ABHD18: variants seen among roughly 807,000 people sequenced by gnomAD.
ABHD18 encodes abhydrolase domain containing 18.
ABHD18 carries 55 observed loss-of-function variants against 65.9 expected under a neutral mutation model. That is an observed-to-expected ratio of 0.84 (90% CI 0.67 to 1.05). ABHD18 has a LOEUF of 1.05. ABHD18 is among the 50% of genes least tolerant of loss of function. The probability of loss-of-function intolerance (pLI) is 0.00; values close to 1 mark genes in which losing one functional copy is unlikely to be tolerated. For synonymous variants in ABHD18, 181 were observed against 180.2 expected (o/e 1.00, Z -0.04); for missense variants, 533 against 558.5 (o/e 0.95, Z 0.46).
At chr4:128,025,550 G>A (rs1436717612) in intron 10 of ABHD18, among the ~76,000 whole-genome samples, 3 of 152,194 alleles carry the variant, frequency 2.0e-5, no homozygotes, top group African/African-American at 7.2e-5. Context: ...CCTGTTGATA[G>A]ATGTTTATGT....
In ABHD18 at chr4:128,035,801, A is replaced by G. The variant is rs899946683; in HGVS notation, c.1383A>G (p.Lys461=). 6.3e-5 allele frequency: 97 copies of G among 1,536,666 alleles called. No homozygotes were observed. The African/African-American group carries it at 1.2e-3, about 20-fold the overall frequency. ...ATGCATTTGACCGCTTCCTCCATAA[A>G]TACGCTAACTAGTTGGATTATTATA... The part of the protein sequence containing the change: ...IYDAFDRFLH[K]YAN The change falls in exon 13 of 13, where the codon AAA becomes AAG. Residue 461 remains lysine (K), a synonymous_variant. Coordinates refer to ENST00000645843, the MANE Select transcript of ABHD18 (RefSeq NM_001358451.3).
intron 10 of ABHD18, among the ~76,000 whole-genome samples, chr4:128,023,429 A>T (rs1198642571): frequency 6.7e-6 from 1 of 149,006 alleles, no homozygotes; most frequent in Non-Finnish European, 1.5e-5. Context: ...AAAAAAAAAA[A>T]AAAAAGCTGG....
At chr4:128,022,103 T>C (rs1402333510) in intron 10 of ABHD18, among the ~76,000 whole-genome samples, 1 of 152,098 alleles carries the variant, frequency 6.6e-6, no homozygotes, top group Non-Finnish European at 1.5e-5. Context: ...AGGGGAAGGA[T>C]AGCATTAGGA....
chr4:127,973,176 C>G (rs930232949), intron 1 of ABHD18, among the ~76,000 whole-genome samples: 1 of 151,886 alleles, frequency 6.6e-6, no homozygotes, highest in African/African-American at 2.4e-5. Context: ...CCACCACTCC[C>G]GGGAAAGTTT....
chr4:128,004,273 G>GA (rs945167037), intron 4 of ABHD18, among the ~76,000 whole-genome samples: 2 of 151,828 alleles, frequency 1.3e-5, no homozygotes, highest in Admixed American at 6.6e-5. Context: ...CCAACGTGGT[G>GA]AAACCCTGTC....
chr4:128,038,663 G>A lies in ABHD18; in HGVS notation c.*2850G>A, dbSNP rs1433371969. The A allele has an allele frequency of 6.6e-6, 1 of 151,868 alleles. No individual in the cohort carries two copies. Among genetic ancestry groups the A allele is most frequent in the Non-Finnish European group, 1.5e-5 (1 of 68,050 alleles). 9.4% of individuals were successfully genotyped at this position (151,868 alleles called of 1,614,324 possible). On this transcript the variant is annotated 3_prime_UTR_variant, in exon 13 of 13. Transcript: ENST00000645843. ...CCCAGCACTTTGGGAGGCCGAGGTGGGGGGACCACCTGAGGTTGGGAGTTC... is the reference window on the plus strand; with the variant it reads ...CCCAGCACTTTGGGAGGCCGAGGTGAGGGGACCACCTGAGGTTGGGAGTTC...
intron 7 of ABHD18, among the ~76,000 whole-genome samples, chr4:128,015,774 TA>T (rs1414392881): frequency 6.6e-6 from 1 of 152,108 alleles, no homozygotes; most frequent in African/African-American, 2.4e-5. Context: ...TAATCATTGG[TA>T]AAATGAATTT....
At chr4:128,029,228 G>A (rs1194344435) in intron 11 of ABHD18, among the ~76,000 whole-genome samples, 1 of 151,886 alleles carries the variant, frequency 6.6e-6, no homozygotes, top group African/African-American at 2.4e-5. Context: ...GTGTGGTGTT[G>A]CAAGCCTGTA....
chr4:127,979,445 C>T (rs1299715232), intron 1 of ABHD18, among the ~76,000 whole-genome samples: 1 of 152,096 alleles, frequency 6.6e-6, no homozygotes, highest in African/African-American at 2.4e-5. Context: ...GTCCCAGCTA[C>T]TCGGGAGGCT....
intron 6 of ABHD18, 69 bp from the exon 7 acceptor site, chr4:128,011,604 T>G: frequency 1.6e-6 from 2 of 1,216,034 alleles, no homozygotes; most frequent in South Asian, 2.8e-5. Context: ...ATTTAACTAT[T>G]TAATGTACTC....
rs1758845212 is a variant in ABHD18 at position 128,035,920 on chromosome 4, C to G, written c.*107C>G. On this transcript the variant is annotated 3_prime_UTR_variant, in exon 13 of 13. Transcript: ENST00000645843. Reference sequence around the variant, plus strand: ...CAGACAGCACTAATATATCTAATCGCTATCAATTTGGTCTGGAATTCATTG... The same window carrying G: ...CAGACAGCACTAATATATCTAATCGGTATCAATTTGGTCTGGAATTCATTG... 1.8e-6 allele frequency: 1 copy of G among 541,830 alleles called. No individual in the cohort carries two copies. Among genetic ancestry groups the G allele is most frequent in the African/African-American group, 1.9e-5 (1 of 52,856 alleles). 33.6% of individuals were successfully genotyped at this position (541,830 alleles called of 1,614,324 possible). A position where few individuals can be genotyped will look rare whatever the true frequency, so the allele number is the denominator to read the frequency against.
chr4:128,023,921 C>T (rs1756953513), intron 10 of ABHD18, among the ~76,000 whole-genome samples: 1 of 152,134 alleles, frequency 6.6e-6, no homozygotes, highest in Admixed American at 6.6e-5. Flanking sequence ...TAGTTAGTTC[C>T]TATACATATA....
intron 4 of ABHD18, among the ~76,000 whole-genome samples, 195 bp downstream of exon 4, chr4:127,990,016 A>G (rs1289998619): frequency 6.6e-6 from 1 of 152,246 alleles, no homozygotes; most frequent in African/African-American, 2.4e-5. Flanking sequence ...AGCATTGTTT[A>G]TAGTTGCAAA....
intron 1 of ABHD18, among the ~76,000 whole-genome samples, chr4:127,974,872 T>A (rs1344460995): frequency 1.6e-4 from 25 of 151,830 alleles, no homozygotes; most frequent in African/African-American, 5.5e-4. Flanking sequence ...GGTTGTCGCC[T>A]GTAATCCCAG....
rs142645235 is a variant in ABHD18 at position 127,989,330 on chromosome 4, CAGAT to C, written c.178-387_178-384del. Among the ~76,000 whole-genome samples the C allele has an allele frequency of 6.5e-3, 992 of 151,636 alleles. 2 individuals are homozygous for C. The highest frequency in any genetic ancestry group is 0.011 in the Non-Finnish European group (749 of 67,908). On this transcript the variant is annotated intron_variant, in intron 3 of 12. Coordinates refer to ENST00000645843, the MANE Select transcript of ABHD18 (RefSeq NM_001358451.3). ...TGATTAATTGGTGCAAATGTACAGT[CAGAT>C]AGAATCAATAAGATCTAGTATTTGA... is the stretch of plus-strand genomic sequence containing the variant.
intron 4 of ABHD18, among the ~76,000 whole-genome samples, chr4:127,994,845 T>G (rs1560859443): frequency 1.3e-5 from 2 of 152,118 alleles, no homozygotes; most frequent in Non-Finnish European, 2.9e-5. Flanking sequence ...TCCTCAAATA[T>G]TTAGGGATAA....
chr4:127,986,621 C>A (rs1026204211), intron 3 of ABHD18, among the ~76,000 whole-genome samples: 13 of 152,320 alleles, frequency 8.5e-5, no homozygotes, highest in African/African-American at 2.9e-4. Flanking sequence ...CTAAATTTAA[C>A]TTTTTGACGA....
chr4:127,977,311 A>G (rs1230468339), intron 1 of ABHD18, among the ~76,000 whole-genome samples: 3 of 151,054 alleles, frequency 2.0e-5, no homozygotes, highest in East Asian at 3.9e-4. Flanking sequence ...TGTCTCTACT[A>G]AAAATACAAA....
At chr4:127,988,580 C>T (rs1750388444) in intron 3 of ABHD18, among the ~76,000 whole-genome samples, 1 of 151,956 alleles carries the variant, frequency 6.6e-6, no homozygotes, top group Admixed American at 6.6e-5. Context: ...GAAACAAAAA[C>T]ATATCTGTGG....
Sources: gnomAD v4.1 joint callset for allele counts (sites outside exome capture counted in the v4.1 genomes callset) on GRCh38, gnomAD v4.1.1 for gene constraint, MANE v1.5 for transcripts, NCBI Gene and HGNC (gene_info 2026-07-23, HGNC 2026-07-21) for gene names.